USP16: variants seen among roughly 807,000 people sequenced by gnomAD.
USP16 encodes ubiquitin specific peptidase 16, also known as ubiquitin carboxyl-terminal hydrolase 16.
Under a neutral mutation model 95.9 loss-of-function variants are expected in USP16, and 77 were observed. The ratio of observed to expected loss-of-function variants is 0.80; its 90% CI spans 0.67 to 0.97. The LOEUF (loss-of-function observed/expected upper bound fraction) is 0.97, where lower values mean the gene tolerates loss of function less well. Among genes scored for constraint, USP16 ranks in the 50% least tolerant of loss-of-function variants. USP16 has a pLI of 0.00. For missense variants in USP16, 943 were observed against 959.9 expected, an observed-to-expected ratio of 0.98 and a Z score of 0.23; for synonymous variants, 303 against 318.2, an observed-to-expected ratio of 0.95 and a Z score of 0.51.
chr21:29,030,088 A>G (rs571505352), intron 2 of USP16, among the ~76,000 whole-genome samples: 1 of 151,978 alleles, frequency 6.6e-6, no homozygotes, highest in South Asian at 2.1e-4. Context: ...TTGTGCTGCT[A>G]TACCATGTTT....
intron 13 of USP16, among the ~76,000 whole-genome samples, chr21:29,044,880 T>G (rs932337687): frequency 6.6e-6 from 1 of 152,196 alleles, no homozygotes; most frequent in Non-Finnish European, 1.5e-5. Context: ...TGGTGAGTGC[T>G]CTAGTGAATA....
chr21:29,030,201 T>C (rs959134424), intron 2 of USP16, among the ~76,000 whole-genome samples: 3 of 152,100 alleles, frequency 2.0e-5, no homozygotes, highest in African/African-American at 7.2e-5. Flanking sequence ...CTCCTGAGCG[T>C]CTAGCACAGT....
At position 29,039,020 on chromosome 21, in the gene USP16, A is replaced by T. The variant is rs373804711; in HGVS notation, c.733-6A>T. 7.8e-5 allele frequency: 118 copies of T among 1,509,476 alleles called. No homozygotes were observed. Among genetic ancestry groups the T allele is most frequent in the South Asian group, 1.9e-4 (14 of 74,138 alleles). 93.5% of individuals were successfully genotyped at this position (1,509,476 alleles called of 1,614,324 possible). ...TGAAGAAAGTAATTTCTTTTCCCAT[A>T]TTCAGGAACCATTAGAAATAAACCT... On this transcript the variant is annotated splice_region_variant and splice_polypyrimidine_tract_variant and intron_variant, in intron 7 of 17. Coordinates refer to ENST00000399976, the MANE Select transcript of USP16 (RefSeq NM_006447.3).
At chr21:29,025,398 C>T (rs2084972113) in intron 1 of USP16, among the ~76,000 whole-genome samples, 1 of 152,178 alleles carries the variant, frequency 6.6e-6, no homozygotes, top group Non-Finnish European at 1.5e-5. Flanking sequence ...TTCACTAAGA[C>T]GTTAATGCTC....
In USP16 at chr21:29,037,468, A is replaced by G. The variant is rs749499143; in HGVS notation, c.636+5A>G. 10 of 1,548,496 alleles carry G rather than the reference A, an allele frequency of 6.5e-6. No homozygotes were observed. The African/African-American group carries it at 7.0e-5, about 11-fold the overall frequency. ...TTCTTCAATGCAGTTATGCAGGTAC[A>G]TTGTCATTTTTTTCCCTTTAAAAAA... is the stretch of plus-strand genomic sequence containing the variant. On this transcript the variant is annotated splice_donor_5th_base_variant and intron_variant, in intron 6 of 17. Transcript: ENST00000399976.
chr21:29,051,894 A>G (rs1221166743), intron 16 of USP16, among the ~76,000 whole-genome samples: 1 of 152,034 alleles, frequency 6.6e-6, no homozygotes, highest in African/African-American at 2.4e-5. Flanking sequence ...GCTAAGGACA[A>G]TTTATAAGAT....
chr21:29,024,973 G>C, intron 1 of USP16, 196 bp downstream of exon 1: 1 of 492,192 alleles, frequency 2.0e-6, no homozygotes, highest in Non-Finnish European at 3.1e-6. Context: ...ATGAGATGCC[G>C]CTGCTGGCGG....
intron 16 of USP16, 51 bp downstream of exon 16, chr21:29,050,229 C>T: frequency 6.5e-7 from 1 of 1,539,050 alleles, no homozygotes; most frequent in Non-Finnish European, 8.9e-7. Flanking sequence ...CAAATTGTGG[C>T]TTACCTAATG....
rs1479287677 is a variant in USP16 at position 29,047,175 on chromosome 21, A to G, written c.1865A>G (p.Asn622Ser). Residue 622 changes from asparagine (N) to serine (S), a missense_variant, in exon 14 of 18, where the codon AAC becomes AGC. By Grantham distance (46) the Asn-to-Ser change is conservative. Coordinates refer to ENST00000399976, the MANE Select transcript of USP16 (RefSeq NM_006447.3). ...DPETAFCTLANREVFNTDECS... is the reference protein window; with the variant it reads ...DPETAFCTLASREVFNTDECS... ...GAAACTGCTTTCTGTACTCTTGCAAACAGGGAAGTTTTCAATACTGATGAG... is the reference window on the plus strand; with the variant it reads ...GAAACTGCTTTCTGTACTCTTGCAAGCAGGGAAGTTTTCAATACTGATGAG... 2 of 1,614,166 alleles carry G rather than the reference A, an allele frequency of 1.2e-6. No homozygotes were observed. Among genetic ancestry groups the G allele is most frequent in the East Asian group, 4.5e-5 (2 of 44,876 alleles).
At position 29,047,199 on chromosome 21, in the gene USP16, A is replaced by C; in HGVS notation, c.1889A>C (p.Glu630Ala). 1 of 1,614,182 alleles carries C rather than the reference A, an allele frequency of 6.2e-7. No individual in the cohort carries two copies. Among genetic ancestry groups the C allele is most frequent in the Non-Finnish European group, 8.5e-7 (1 of 1,180,024 alleles). Residue 630 changes from glutamate (E) to alanine (A), a missense_variant, in exon 14 of 18, where the codon GAG becomes GCG. Glu to Ala is a moderately radical substitution (Grantham distance 107). Transcript: ENST00000399976. Reference sequence around the variant, plus strand: ...AACAGGGAAGTTTTCAATACTGATGAGTGTTCAATCCAACATTGTTTATAT... The same window carrying C: ...AACAGGGAAGTTTTCAATACTGATGCGTGTTCAATCCAACATTGTTTATAT... ...LANREVFNTD[E>A]CSIQHCLYQF...
At chr21:29,039,623 C>G in intron 9 of USP16, 55 bp downstream of exon 9, 1 of 1,535,678 alleles carries the variant, frequency 6.5e-7, no homozygotes, top group African/African-American at 1.4e-5. Context: ...AGCTTTCTGT[C>G]TCATTTGATA....
chr21:29,028,730 C>A (rs898230106), intron 2 of USP16, among the ~76,000 whole-genome samples: 1 of 152,104 alleles, frequency 6.6e-6, no homozygotes, highest in East Asian at 1.9e-4. Context: ...CCACCGCGCC[C>A]GACCTTCAAC....
At chr21:29,039,350 A>G in intron 8 of USP16, 131 bp from the exon 9 acceptor site, 1 of 1,166,720 alleles carries the variant, frequency 8.6e-7, no homozygotes, top group South Asian at 2.0e-5. Context: ...CAAGGGTGTT[A>G]ATGGACTAAA....
At chr21:29,043,693 AT>A in intron 13 of USP16, 94 bp downstream of exon 13, 1 of 1,140,184 alleles carries the variant, frequency 8.8e-7, no homozygotes, top group Non-Finnish European at 1.2e-6. Context: ...CATGTCTGTT[AT>A]TTTAGATACA....
chr21:29,053,474 G>C (rs2085446993), intron 16 of USP16: 1 of 218,406 alleles, frequency 4.6e-6, no homozygotes, highest in Admixed American at 5.1e-5. Flanking sequence ...ATTCAGAGTT[G>C]TTAATAGCTA....
chr21:29,044,747 C>T (rs1024917330), intron 13 of USP16, among the ~76,000 whole-genome samples: 1 of 151,684 alleles, frequency 6.6e-6, no homozygotes, highest in African/African-American at 2.4e-5. Flanking sequence ...GTGCCTGGCC[C>T]ATTCTTTCTT....
At chr21:29,026,499 A>T (rs1384903087) in intron 1 of USP16, 1 of 150,730 alleles carries the variant, frequency 6.6e-6, no homozygotes, top group Admixed American at 6.6e-5. Context: ...TGGCAGGTAA[A>T]AAGTGGTGGT....
At chr21:29,049,395 C>A (rs1601074041) in intron 15 of USP16, among the ~76,000 whole-genome samples, 2 of 152,176 alleles carry the variant, frequency 1.3e-5, no homozygotes, top group South Asian at 2.1e-4. Context: ...ATTGGGTGGG[C>A]CTTTATTAAC....
intron 3 of USP16, among the ~76,000 whole-genome samples, chr21:29,034,192 G>A (rs1045616477): frequency 1.3e-5 from 2 of 152,144 alleles, no homozygotes; most frequent in South Asian, 2.1e-4. Flanking sequence ...CTGAAGTTAG[G>A]GGAATGTTTA....
Sources: gnomAD v4.1 joint callset for allele counts (sites outside exome capture counted in the v4.1 genomes callset) on GRCh38, gnomAD v4.1.1 for gene constraint, MANE v1.5 for transcripts, NCBI Gene and HGNC (gene_info 2026-07-23, HGNC 2026-07-21) for gene names.